The following NEK10 variants were observed in gnomAD, a reference collection of about 807,000 sequenced individuals.
NEK10 encodes serine/threonine-protein kinase Nek10.
Under a neutral mutation model 159.8 loss-of-function variants are expected in NEK10, and 122 were observed. The observed-to-expected ratio is 0.76, with a 90% CI of 0.66 to 0.89. The LOEUF (loss-of-function observed/expected upper bound fraction) is 0.89. Among genes scored for constraint, NEK10 ranks in the 40% least tolerant of loss-of-function variants. NEK10 has a pLI of 0.00. For missense variants in NEK10, 1,342 were observed against 1,323.1 expected (o/e 1.01, Z -0.22); for synonymous variants, 466 against 457.1 (o/e 1.02, Z -0.25).
chr3:27,322,021 T>G, intron 6 of NEK10, among the ~76,000 whole-genome samples, 156 bp downstream of exon 6: 1 of 152,188 alleles, frequency 6.6e-6, no homozygotes, highest in East Asian at 1.9e-4. Flanking sequence ...TCAAATCTTT[T>G]TAAATAGTAG....
chr3:27,326,727 T>G (rs1381049991), intron 5 of NEK10, among the ~76,000 whole-genome samples: 4 of 152,248 alleles, frequency 2.6e-5, no homozygotes, highest in Non-Finnish European at 5.9e-5. Context: ...AGCCCAAAGC[T>G]ATTAATATTT....
At chr3:27,317,978 A>AT (rs1351975495) in intron 6 of NEK10, among the ~76,000 whole-genome samples, 1 of 151,588 alleles carries the variant, frequency 6.6e-6, no homozygotes, top group East Asian at 1.9e-4. Context: ...AATTTTTTCT[A>AT]TTTTTTAGTA....
In NEK10 at chr3:27,293,606, T is replaced by C; in HGVS notation, c.1355A>G (p.Asn452Ser). ...CTCATACCTTTTAAAGAGTGGTCTG[T>C]TTCTTTCCATACTGAAGAGAAATCT... ...ALRFLFSMER[N>S]RPLFKRLFPT... Residue 452 changes from asparagine to serine, a missense_variant, in exon 16 of 36, where the codon AAC (asparagine) becomes AGC (serine). Coordinates refer to ENST00000691995, the MANE Select transcript of NEK10 (RefSeq NM_001394966.1). The C allele has an allele frequency of 6.4e-7, 1 of 1,570,150 alleles. No homozygotes were observed. The highest frequency in any genetic ancestry group is 8.8e-7 in the Non-Finnish European group (1 of 1,142,720).
intron 1 of NEK10, among the ~76,000 whole-genome samples, chr3:27,355,284 G>A (rs951740061): frequency 6.6e-6 from 1 of 151,924 alleles, no homozygotes; most frequent in East Asian, 1.9e-4. Context: ...ATCTCTTGCA[G>A]TCCCATGGTT....
intron 5 of NEK10, among the ~76,000 whole-genome samples, chr3:27,338,929 A>G (rs1306061523): frequency 6.6e-6 from 1 of 152,210 alleles, no homozygotes; most frequent in Non-Finnish European, 1.5e-5. Flanking sequence ...CATTAAAACA[A>G]AAATAGACAA....
At chr3:27,225,535 T>C (rs1444977662) in intron 23 of NEK10, among the ~76,000 whole-genome samples, 3 of 152,202 alleles carry the variant, frequency 2.0e-5, no homozygotes, top group East Asian at 3.8e-4. Flanking sequence ...AGCATTAAAG[T>C]TCATTTACAC....
At chr3:27,280,414 G>A (rs915004345) in intron 22 of NEK10, among the ~76,000 whole-genome samples, 1 of 152,054 alleles carries the variant, frequency 6.6e-6, no homozygotes, top group African/African-American at 2.4e-5. Context: ...CATACACACA[G>A]CCAGTAAATC....
intron 23 of NEK10, among the ~76,000 whole-genome samples, chr3:27,236,364 C>A (rs188815604): frequency 1.1e-4 from 17 of 151,930 alleles, no homozygotes; most frequent in Non-Finnish European, 4.4e-5. Flanking sequence ...TGGAATACTA[C>A]TCAGCTATAA....
chr3:27,164,209 C>A (rs1365441600), intron 29 of NEK10, among the ~76,000 whole-genome samples: 4 of 152,166 alleles, frequency 2.6e-5, no homozygotes, highest in African/African-American at 9.7e-5. Flanking sequence ...GCTGATCCTG[C>A]CCTCAGAAAG....
At chr3:27,221,574 T>A (rs1952103610) in intron 23 of NEK10, among the ~76,000 whole-genome samples, 1 of 152,210 alleles carries the variant, frequency 6.6e-6, no homozygotes, top group Non-Finnish European at 1.5e-5. Flanking sequence ...AACATAGAAT[T>A]ACCATATTGA....
intron 23 of NEK10, among the ~76,000 whole-genome samples, chr3:27,250,654 C>A (rs1322349321): frequency 6.6e-6 from 1 of 152,124 alleles, no homozygotes; most frequent in African/African-American, 2.4e-5. Context: ...CTTTATTTCT[C>A]CTTCATGTTT....
At chr3:27,293,223 T>C (rs2043127601) in intron 16 of NEK10, among the ~76,000 whole-genome samples, 2 of 152,252 alleles carry the variant, frequency 1.3e-5, no homozygotes, top group Admixed American at 6.5e-5. Context: ...AATTACCCGA[T>C]TGACTTTCAA....
intron 8 of NEK10, 45 bp from the exon 9 acceptor site, chr3:27,311,061 G>T: frequency 1.6e-6 from 2 of 1,226,712 alleles, no homozygotes; most frequent in South Asian, 1.2e-5. Context: ...AGAGATTAAA[G>T]GGGGAGTACT....
At chr3:27,149,220 A>G (rs1944595553) in intron 30 of NEK10, among the ~76,000 whole-genome samples, 4 of 152,160 alleles carry the variant, frequency 2.6e-5, no homozygotes, top group African/African-American at 2.4e-5. Context: ...AAGATAAACA[A>G]GAGTTTATAC....
intron 23 of NEK10, among the ~76,000 whole-genome samples, chr3:27,229,890 T>G (rs1399157176): frequency 6.6e-6 from 1 of 152,016 alleles, no homozygotes; most frequent in Non-Finnish European, 1.5e-5. Context: ...ACAGTCAAAC[T>G]CAAGAATAAT....
At chr3:27,235,879 G>A (rs1364743498) in intron 23 of NEK10, among the ~76,000 whole-genome samples, 3 of 151,840 alleles carry the variant, frequency 2.0e-5, no homozygotes, top group East Asian at 3.9e-4. Context: ...TGGAATCAAC[G>A]TAAATGCTCA....
intron 5 of NEK10, 79 bp from the exon 6 acceptor site, chr3:27,322,340 G>A (rs1302433869): frequency 3.5e-6 from 3 of 852,320 alleles, no homozygotes; most frequent in Non-Finnish European, 5.8e-6. Context: ...GGCTATGAAG[G>A]AGTATAAAGA....
At position 27,162,671 on chromosome 3, in the gene NEK10, T is replaced by G. The variant is rs1946129910; in HGVS notation, c.2869+30A>C. 3.1e-6 allele frequency: 5 copies of G among 1,614,082 alleles called. No individual in the cohort carries two copies. The Middle Eastern group carries it at 5.0e-4, about 160-fold the overall frequency. Reference sequence around the variant, plus strand: ...TACATTGAATTTTAGAGAGTTGTGTTTGATTTTATTGCTACCAACACTAAG... The same window carrying G: ...TACATTGAATTTTAGAGAGTTGTGTGTGATTTTATTGCTACCAACACTAAG... On this transcript the variant is annotated intron_variant, in intron 30 of 35. Transcript: ENST00000691995.
At chr3:27,224,412 T>A (rs1351130605) in intron 23 of NEK10, among the ~76,000 whole-genome samples, 1 of 152,172 alleles carries the variant, frequency 6.6e-6, no homozygotes, top group Non-Finnish European at 1.5e-5. Context: ...CCACAACACT[T>A]CCAGTGGGGT....
Sources: gnomAD v4.1 joint callset for allele counts (sites outside exome capture counted in the v4.1 genomes callset) on GRCh38, gnomAD v4.1.1 for gene constraint, MANE v1.5 for transcripts, NCBI Gene and HGNC (gene_info 2026-07-23, HGNC 2026-07-21) for gene names.